Variants in SLC11A1 observed in about 807,000 individuals in gnomAD.
SLC11A1 encodes solute carrier family 11 member 1.
Under a neutral mutation model 63.2 loss-of-function variants are expected in SLC11A1, and 59 were observed. The ratio of observed to expected loss-of-function variants is 0.93; its 90% confidence interval spans 0.76 to 1.16. SLC11A1 has a LOEUF of 1.16. Among genes scored for constraint, SLC11A1 ranks in the 50% most tolerant of loss-of-function variants. The pLI is 0.00. For synonymous variants in SLC11A1, 305 were observed against 307.8 expected, an observed-to-expected ratio of 0.99 and a Z score of 0.09; for missense variants, 688 against 730.7, an observed-to-expected ratio of 0.94 and a Z score of 0.67.
In SLC11A1 at chr2:218,384,225, C is replaced by A. The variant is rs765476825; in HGVS notation, c.151-18C>A. ...ATACCCAGGACCCCCTCACTCTACT[C>A]CTCCCACCCCCCAACAGGGCACCTT... On this transcript the variant is annotated intron_variant, in intron 2 of 14. Coordinates refer to ENST00000233202, the MANE Select transcript of SLC11A1 (RefSeq NM_000578.4). This position sits in a 1 kb window ranked among gnomAD's most constrained non-coding sequence, Gnocchi z 4.0. 2 of 1,581,054 alleles carry A rather than the reference C, an allele frequency of 1.3e-6. No individual in the cohort carries two copies. The highest frequency in any genetic ancestry group is 1.7e-6 in the Non-Finnish European group (2 of 1,157,234).
At position 218,384,485 on chromosome 2, in the gene SLC11A1, A is replaced by C; in HGVS notation, c.273+120A>C. The C allele has an allele frequency of 3.9e-6, 5 of 1,291,774 alleles. No individual in the cohort carries two copies. The highest frequency in any genetic ancestry group is 2.5e-5 in the East Asian group (1 of 39,764). 80.0% of individuals were successfully genotyped at this position (1,291,774 alleles called of 1,614,324 possible). A position where few individuals can be genotyped will look rare whatever the true frequency, so the allele number is the denominator to read the frequency against. ...GCCTGGGAGCTGGTGTTAAGTTCAA[A>C]TGGGCCCGAAAAGGGTCCCCAGGGC... On this transcript the variant is annotated intron_variant, in intron 3 of 14. Coordinates refer to ENST00000233202, the MANE Select transcript of SLC11A1 (RefSeq NM_000578.4). The surrounding 1 kb of genome is among the most constrained non-coding windows in gnomAD (Gnocchi z 4.0).
rs780526133 is a variant in SLC11A1 at position 218,391,267 on chromosome 2, G to A, written c.1024G>A (p.Ala342Thr). 11 of 1,611,484 alleles carry A rather than the reference G, an allele frequency of 6.8e-6. No individual in the cohort carries two copies. In the South Asian group the frequency reaches 1.1e-4, roughly 16 times the overall value. ...CTTCCCCATGAACAACGCCACCGTG[G>A]CCGTGGACATTTACCAGGGGGTGAG... Reference protein sequence around the residue: ...KIFPMNNATVAVDIYQGGVIL... With the variant: ...KIFPMNNATVTVDIYQGGVIL... Residue 342 changes from alanine (A) to threonine (T), a missense_variant, in exon 10 of 15, where the codon GCC (alanine) becomes ACC (threonine). Coordinates refer to ENST00000233202, the MANE Select transcript of SLC11A1 (RefSeq NM_000578.4).
In SLC11A1 at chr2:218,394,271, A is replaced by G. The variant is rs185319552; in HGVS notation, c.1388+78A>G. The G allele has an allele frequency of 3.6e-6, 5 of 1,397,512 alleles. No homozygotes were observed. In the African/African-American group the frequency reaches 5.7e-5, roughly 16 times the overall value. The allele number at this position is 1,397,512 out of a possible 1,614,324, so 86.6% of individuals were successfully genotyped here. The stretch of plus-strand genomic sequence containing the variant: ...CAGCCACCCAGAGGTACGAGCTACA[A>G]TTCTCCCCATTATCCCAATGAAGCC... On this transcript the variant is annotated intron_variant, in intron 13 of 14. Coordinates refer to ENST00000233202, the MANE Select transcript of SLC11A1 (RefSeq NM_000578.4).
intron 4 of SLC11A1, among the ~76,000 whole-genome samples, chr2:218,386,236 T>C (rs922122090): frequency 3.9e-5 from 6 of 152,300 alleles, no homozygotes; most frequent in Admixed American, 2.6e-4. Context: ...GTGGATCACC[T>C]GAGGTCGGGA....
rs999014187 is a variant in SLC11A1 at position 218,382,881 on chromosome 2, A to T, written c.8-79A>T. The T allele has an allele frequency of 2.7e-5, 43 of 1,575,708 alleles. No individual in the cohort carries two copies. In the Admixed American group the frequency reaches 7.3e-4, roughly 27 times the overall value. On this transcript the variant is annotated intron_variant, in intron 1 of 14. Coordinates refer to ENST00000233202, the MANE Select transcript of SLC11A1 (RefSeq NM_000578.4). ...GTTTCTCCACTTTTCCGGGAGGAGGAGGGAAAGGATCAGGCGGCTTTAACT... is the reference window on the plus strand; with the variant it reads ...GTTTCTCCACTTTTCCGGGAGGAGGTGGGAAAGGATCAGGCGGCTTTAACT...
chr2:218,394,722 C>A lies in SLC11A1; in HGVS notation c.1479C>A (p.His493Gln). 6.2e-7 allele frequency: 1 copy of A among 1,614,038 alleles called. No homozygotes were observed. ...FVVSYLPSLP[H>Q]PAYFGLAALL... ...TCAGCTATCTGCCCAGCCTGCCCCA[C>A]CCTGCCTACTTCGGCCTTGCAGCCT... Residue 493 changes from histidine to glutamine, a missense_variant, in exon 14 of 15, where the codon CAC (histidine) becomes CAA (glutamine). Physicochemically the swap from His to Gln is conservative, Grantham distance 24. Transcript: ENST00000233202.
In SLC11A1 at chr2:218,389,989, C is replaced by A; in HGVS notation, c.915C>A (p.Val305=). Residue 305 remains valine, a synonymous_variant, in exon 9 of 15, where the codon GTC becomes GTA. Transcript: ENST00000233202. ...TCATCAACCTCTTTGTCATGGCTGT[C>A]TTTGGGCAGGCCTTCTACCAGAAAA... The part of the protein sequence containing the change: ...SFIINLFVMA[V]FGQAFYQKTN... The A allele has an allele frequency of 1.2e-6, 2 of 1,613,634 alleles. No homozygotes were observed. The highest frequency in any genetic ancestry group is 1.7e-6 in the Non-Finnish European group (2 of 1,179,788).
In SLC11A1 at chr2:218,387,193, C is replaced by T; in HGVS notation, c.534C>T (p.Ile178=). 6.2e-7 allele frequency: 1 copy of T among 1,614,144 alleles called. No homozygotes were observed. The highest frequency in any genetic ancestry group is 1.1e-5 in the South Asian group (1 of 91,072). Residue 178 remains isoleucine (I), a synonymous_variant, in exon 6 of 15, where the codon ATC becomes ATT. Coordinates refer to ENST00000233202, the MANE Select transcript of SLC11A1 (RefSeq NM_000578.4). ...TCTGGGGTGGCGTCCTCATCACCAT[C>T]GTGGACACCTTCTTCTTCCTCTTCC... is the stretch of plus-strand genomic sequence containing the variant. ...IPLWGGVLIT[I]VDTFFFLFLD...
At chr2:218,388,218 A>C in intron 8 of SLC11A1, 17 of 356,134 alleles carry the variant, frequency 4.8e-5, no homozygotes, top group East Asian at 2.3e-4. Flanking sequence ...AAATACAAAA[A>C]CTAGCTGGGC....
chr2:218,389,815 C>T (rs911628363), intron 8 of SLC11A1, 55 bp from the exon 9 acceptor site: 3 of 1,546,790 alleles, frequency 1.9e-6, no homozygotes, highest in African/African-American at 1.4e-5. Flanking sequence ...GGGTGGGGGA[C>T]ACTGTGGTGG....
At position 218,391,141 on chromosome 2, in the gene SLC11A1, T is replaced by C. The variant is rs938119239; in HGVS notation, c.955-57T>C. 5.9e-6 allele frequency: 9 copies of C among 1,519,128 alleles called. No homozygotes were observed. In the African/African-American group the frequency reaches 9.6e-5, roughly 16 times the overall value. The allele number at this position is 1,519,128 out of a possible 1,614,324, so 94.1% of individuals were successfully genotyped here. A position where few individuals can be genotyped will look rare whatever the true frequency, so the allele number is the denominator to read the frequency against. On this transcript the variant is annotated intron_variant, in intron 9 of 14. Transcript: ENST00000233202. The stretch of plus-strand genomic sequence containing the variant: ...CCCTGGTCAGTGCTAGGCAGTCCAG[T>C]TTCCCAAGGCTGAGCGTGCTCCTCA...
rs1696432395 is a variant in SLC11A1, at chr2:218,391,381, G to T, written c.1050G>T (p.Val350=). Residue 350 remains valine (V), a synonymous_variant, in exon 11 of 15, where the codon GTG becomes GTT. Transcript: ENST00000233202. The part of the protein sequence containing the change: ...TVAVDIYQGG[V]ILGCLFGPAA... ...TACCACACTCGTCCCTGCAGGGCGT[G>T]ATCCTGGGCTGCCTGTTCGGCCCCG... The T allele has an allele frequency of 6.2e-7, 1 of 1,613,900 alleles. No individual in the cohort carries two copies. Among genetic ancestry groups the T allele is most frequent in the African/African-American group, 1.3e-5 (1 of 74,956 alleles).
chr2:218,387,920 C>A lies in SLC11A1; in HGVS notation c.760C>A (p.Pro254Thr). 6.2e-7 allele frequency: 1 copy of A among 1,610,548 alleles called. No individual in the cohort carries two copies. The highest frequency in any genetic ancestry group is 2.2e-5 in the East Asian group (1 of 44,760). The change falls in exon 8 of 15, where the codon CCC becomes ACC. Residue 254 changes from proline (P) to threonine (T), a missense_variant. By Grantham distance (38) the Pro-to-Thr change is conservative. Transcript: ENST00000233202. ...GGGCATTGTTGGCGCCATCATCATG[C>A]CCCACAACATCTACCTGCACTCGGC... ...AVGIVGAIIM[P>T]HNIYLHSALV...
chr2:218,384,169 G>A lies in SLC11A1; in HGVS notation c.151-74G>A. The A allele has an allele frequency of 1.4e-6, 2 of 1,475,390 alleles. No individual in the cohort carries two copies. Among genetic ancestry groups the A allele is most frequent in the South Asian group, 1.4e-5 (1 of 73,664 alleles). 91.4% of individuals were successfully genotyped at this position (1,475,390 alleles called of 1,614,324 possible). ...GATGAGCCTGTTGGGGCTCCTCTAGGGGATGGCCAAGGCCAGCTGCCACCA... is the reference window on the plus strand; with the variant it reads ...GATGAGCCTGTTGGGGCTCCTCTAGAGGATGGCCAAGGCCAGCTGCCACCA... On this transcript the variant is annotated intron_variant, in intron 2 of 14. Coordinates refer to ENST00000233202, the MANE Select transcript of SLC11A1 (RefSeq NM_000578.4). The surrounding 1 kb of genome is among the most constrained non-coding windows in gnomAD (Gnocchi z 4.0).
rs1695898835 is a variant in SLC11A1 at position 218,383,204 on chromosome 2, T to C, written c.150+102T>C. 2.9e-6 allele frequency: 4 copies of C among 1,358,496 alleles called. No individual in the cohort carries two copies. The Admixed American group carries it at 8.5e-5, about 29-fold the overall frequency. The allele number at this position is 1,358,496 out of a possible 1,614,324, so 84.2% of individuals were successfully genotyped here. ...TCTCCTTATGATCATGGGTGGCAAG[T>C]CCCTTCCAGGTCTGAGCAGCAGTGG... On this transcript the variant is annotated intron_variant, in intron 2 of 14. Coordinates refer to ENST00000233202, the MANE Select transcript of SLC11A1 (RefSeq NM_000578.4).
rs148407591 is a variant in SLC11A1, at chr2:218,394,125, G to T, written c.1320G>T (p.Pro440=). The T allele has an allele frequency of 6.2e-7, 1 of 1,614,044 alleles. No individual in the cohort carries two copies. Among genetic ancestry groups the T allele is most frequent in the Admixed American group, 1.7e-5 (1 of 60,014 alleles). Residue 440 remains proline, a synonymous_variant, in exon 13 of 15, where the codon CCG becomes CCT. Coordinates refer to ENST00000233202, the MANE Select transcript of SLC11A1 (RefSeq NM_000578.4). The part of the protein sequence containing the change: ...LLNVLQSLLL[P]FAVLPILTFT... Reference sequence around the variant, plus strand: ...GCTCCTGCTGCTCTCCCCAGCTCCCGTTCGCCGTGCTGCCCATCCTCACGT... The same window carrying T: ...GCTCCTGCTGCTCTCCCCAGCTCCCTTTCGCCGTGCTGCCCATCCTCACGT...
chr2:218,394,456 G>GC, intron 13 of SLC11A1, 176 bp from the exon 14 acceptor site: 1 of 753,796 alleles, frequency 1.3e-6, no homozygotes, highest in Non-Finnish European at 2.1e-6. Flanking sequence ...TGTGTAGCCT[G>GC]GAGGGCCCAG....
At chr2:218,394,462 C>T (rs1453868793) in intron 13 of SLC11A1, 170 bp from the exon 14 acceptor site, 9 of 779,604 alleles carry the variant, frequency 1.2e-5, no homozygotes, top group Non-Finnish European at 1.6e-5. Flanking sequence ...GCCTGGAGGG[C>T]CCAGGAGGCA....
At chr2:218,385,689 C>G in intron 4 of SLC11A1, 1 of 354,562 alleles carries the variant, frequency 2.8e-6, no homozygotes, top group Non-Finnish European at 5.5e-6. Flanking sequence ...CTGCATCCGG[C>G]CCCAATTCCA....
Sources: gnomAD v4.1 joint callset for allele counts (sites outside exome capture counted in the v4.1 genomes callset) on GRCh38, gnomAD v4.1.1 for gene constraint, Gnocchi (gnomAD v3.1) non-coding constraint, MANE v1.5 for transcripts, NCBI Gene and HGNC (gene_info 2026-07-23, HGNC 2026-07-21) for gene names.